GALNT17: variants seen among roughly 807,000 people sequenced by gnomAD.
GALNT17 encodes UDP-GalNAc:polypeptide N-acetylgalactosaminyltransferase-like 3.
A neutral mutation model predicts 63.7 loss-of-function variants in GALNT17; 29 were observed. The observed-to-expected ratio is 0.46, with a 90% confidence interval of 0.34 to 0.62. The LOEUF (loss-of-function observed/expected upper bound fraction) is 0.62. Ranked by LOEUF, GALNT17 falls within the 20% of genes least tolerant of loss-of-function variation. GALNT17 has a pLI of 0.01. For missense variants in GALNT17, 603 were observed against 799.6 expected, an observed-to-expected ratio of 0.75 and a Z score of 2.97; for synonymous variants, 305 against 318.3, an observed-to-expected ratio of 0.96 and a Z score of 0.45.
At chr7:71,691,059 G>A (rs1047929515) in intron 9 of GALNT17, among the ~76,000 whole-genome samples, 6 of 152,162 alleles carry the variant, frequency 3.9e-5, no homozygotes, top group Non-Finnish European at 5.9e-5. Flanking sequence ...TGGGTAAAAT[G>A]CTACTAACCA....
chr7:71,498,863 C>T (rs1788135848), intron 5 of GALNT17, among the ~76,000 whole-genome samples: 1 of 152,186 alleles, frequency 6.6e-6, no homozygotes, highest in Non-Finnish European at 1.5e-5. Context: ...AAGGTCCTTC[C>T]TAACTCTGAG....
chr7:71,176,913 A>G (rs959782909), intron 1 of GALNT17, among the ~76,000 whole-genome samples: 1 of 152,178 alleles, frequency 6.6e-6, no homozygotes, highest in African/African-American at 2.4e-5. Flanking sequence ...AATGTGCATT[A>G]AATGCCATGC....
chr7:71,630,024 T>G (rs1293778158), intron 6 of GALNT17, among the ~76,000 whole-genome samples: 2 of 152,010 alleles, frequency 1.3e-5, no homozygotes, highest in Non-Finnish European at 2.9e-5. Context: ...AACTTTGTGC[T>G]GACTCCAGTA....
At chr7:71,499,987 A>C (rs1584005690) in intron 5 of GALNT17, among the ~76,000 whole-genome samples, 1 of 152,334 alleles carries the variant, frequency 6.6e-6, no homozygotes, top group Non-Finnish European at 1.5e-5. Context: ...CCTGTGAAGA[A>C]GAATGTGTTT....
In GALNT17 at chr7:71,393,702, T is replaced by C. The variant is rs183308579; in HGVS notation, c.589+5301T>C. Among the ~76,000 whole-genome samples, 46 of 152,292 alleles carry C rather than the reference T, an allele frequency of 3.0e-4. 4 individuals carry two copies. Among genetic ancestry groups the C allele is most frequent in the East Asian group, 2.9e-3 (15 of 5,174 alleles). The stretch of plus-strand genomic sequence containing the variant: ...TCTGGAGAAGCAGACGAGATGAGAC[T>C]GCAGATTTTCCTTTGTCAGGGAATT... On this transcript the variant is annotated intron_variant, in intron 3 of 10. Coordinates refer to ENST00000333538, the MANE Select transcript of GALNT17 (RefSeq NM_022479.3).
At chr7:71,657,238 A>G (rs1020626511) in intron 6 of GALNT17, among the ~76,000 whole-genome samples, 2 of 152,192 alleles carry the variant, frequency 1.3e-5, no homozygotes, top group African/African-American at 2.4e-5. Flanking sequence ...AGAGGAATAT[A>G]TTAGCACTCA....
At chr7:71,366,522 A>C (rs1193603235) in intron 2 of GALNT17, among the ~76,000 whole-genome samples, 1 of 152,150 alleles carries the variant, frequency 6.6e-6, no homozygotes, top group East Asian at 1.9e-4. Context: ...CGGAGGTTGC[A>C]GTGAGCTGAG....
chr7:71,625,844 G>A (rs896725002), intron 6 of GALNT17, among the ~76,000 whole-genome samples: 7 of 152,066 alleles, frequency 4.6e-5, no homozygotes, highest in Admixed American at 3.9e-4. Context: ...CTTAATCCCC[G>A]GTACCTCCAC....
chr7:71,438,407 A>G (rs773276221), intron 5 of GALNT17, among the ~76,000 whole-genome samples: 8 of 152,168 alleles, frequency 5.3e-5, no homozygotes, highest in Non-Finnish European at 1.0e-4. Context: ...ATTAAGGGTG[A>G]GTCTGCCTTT....
chr7:71,419,063 G>A (rs530810610), intron 4 of GALNT17, among the ~76,000 whole-genome samples: 11 of 152,214 alleles, frequency 7.2e-5, no homozygotes, highest in Admixed American at 1.3e-4. Flanking sequence ...CCTGAGAGAC[G>A]AGTGAAACTC....
At chr7:71,137,264 C>T (rs909172310) in intron 1 of GALNT17, among the ~76,000 whole-genome samples, 4 of 151,962 alleles carry the variant, frequency 2.6e-5, no homozygotes, top group East Asian at 1.9e-4. Context: ...CTCAGCCTCC[C>T]GAGTAGCTGG....
In GALNT17 at chr7:71,273,998, G is replaced by T. The variant is rs1420136681; in HGVS notation, c.239-61552G>T. The stretch of plus-strand genomic sequence containing the variant: ...AATGCCTGGCATCTAAGCATAGCAT[G>T]TGCCACACTGAAGAATATTCTGGTT... On this transcript the variant is annotated intron_variant, in intron 1 of 10. Coordinates refer to ENST00000333538, the MANE Select transcript of GALNT17 (RefSeq NM_022479.3). 3.3e-5 allele frequency among the ~76,000 whole-genome samples: 5 copies of T among 152,226 alleles called. No homozygotes were observed. In the South Asian group the frequency reaches 1.0e-3, roughly 32 times the overall value.
intron 6 of GALNT17, among the ~76,000 whole-genome samples, chr7:71,573,405 A>G (rs1325584173): frequency 6.6e-6 from 1 of 151,994 alleles, no homozygotes; most frequent in Non-Finnish European, 1.5e-5. Context: ...ATCTCGGCTC[A>G]CTGCAAGCTC....
rs1053787669 is a variant in GALNT17 at position 71,132,387 on chromosome 7, C to G, written c.-416C>G. 1.9e-5 allele frequency: 3 copies of G among 154,092 alleles called. No homozygotes were observed. Among genetic ancestry groups the G allele is most frequent in the African/African-American group, 7.2e-5 (3 of 41,508 alleles). The allele number at this position is 154,092 out of a possible 1,614,324, so 9.5% of individuals were successfully genotyped here. On this transcript the variant is annotated 5_prime_UTR_variant, in exon 1 of 11. Coordinates refer to ENST00000333538, the MANE Select transcript of GALNT17 (RefSeq NM_022479.3). The stretch of plus-strand genomic sequence containing the variant: ...GGGCGGCGATCCCTGAGTCCGGCAC[C>G]TGTGCGCCGCTCCCTCTGTGCCTCC...
intron 5 of GALNT17, among the ~76,000 whole-genome samples, chr7:71,502,942 T>C (rs1788204114): frequency 6.6e-6 from 1 of 152,202 alleles, no homozygotes; most frequent in African/African-American, 2.4e-5. Context: ...CACACCGTGT[T>C]ACTAAGTCAG....
chr7:71,508,431 T>C (rs1788300663), intron 5 of GALNT17, among the ~76,000 whole-genome samples: 1 of 152,192 alleles, frequency 6.6e-6, no homozygotes, highest in Admixed American at 6.5e-5. Flanking sequence ...TAATTTCCAA[T>C]TGGCTTTTAA....
Position 71,370,401 on chromosome 7 carries a change from C to T in GALNT17, c.423-17834C>T, listed in dbSNP as rs567737515. Among the ~76,000 whole-genome samples the T allele has an allele frequency of 1.4e-4, 21 of 152,138 alleles. No homozygotes were observed. The East Asian group carries it at 3.5e-3, about 25-fold the overall frequency. On this transcript the variant is annotated intron_variant, in intron 2 of 10. Coordinates refer to ENST00000333538, the MANE Select transcript of GALNT17 (RefSeq NM_022479.3). ...GCAGCCTTGAACTCCTGGGCTCAAG[C>T]GATCCTCCTGCCTCAGCCTCCTGTG...
At chr7:71,409,817 T>C (rs200320395) in intron 3 of GALNT17, among the ~76,000 whole-genome samples, 2 of 152,112 alleles carry the variant, frequency 1.3e-5, no homozygotes, top group East Asian at 3.9e-4. Flanking sequence ...CAGGAAGAGA[T>C]CCTCAAATCC....
At chr7:71,174,600 C>T (rs543926553) in intron 1 of GALNT17, among the ~76,000 whole-genome samples, 4 of 152,042 alleles carry the variant, frequency 2.6e-5, no homozygotes, top group South Asian at 4.2e-4. Context: ...TCGGGATGGG[C>T]GGTGGAGTTA....
Sources: gnomAD v4.1 joint callset for allele counts (sites outside exome capture counted in the v4.1 genomes callset) on GRCh38, gnomAD v4.1.1 for gene constraint, MANE v1.5 for transcripts, NCBI Gene and HGNC (gene_info 2026-07-23, HGNC 2026-07-21) for gene names.